The following PRIM2 variants were observed in gnomAD, a reference collection of about 807,000 sequenced individuals.
PRIM2 encodes the protein DNA primase large subunit.
In PRIM2, 39 loss-of-function variants were observed where a neutral mutation model predicts 67.3. The observed-to-expected ratio is 0.58, with a 90% CI of 0.45 to 0.76. The LOEUF (loss-of-function observed/expected upper bound fraction) is 0.76, where lower values mean the gene tolerates loss of function less well. PRIM2 is among the 30% of genes least tolerant of loss of function. PRIM2 has a pLI of 0.00. For missense variants in PRIM2, 398 were observed against 598.7 expected, an observed-to-expected ratio of 0.66 and a Z score of 3.50; for synonymous variants, 143 against 198.7, an observed-to-expected ratio of 0.72 and a Z score of 2.36.
At chr6:57,631,790 G>A (rs1405427217) in intron 12 of PRIM2, among the ~76,000 whole-genome samples, 5 of 151,866 alleles carry the variant, frequency 3.3e-5, no homozygotes, top group African/African-American at 4.9e-5. Flanking sequence ...TACAGTTTTC[G>A]GAGAGATGTT....
In PRIM2 at chr6:57,438,785, T is replaced by C. The variant is rs1417459400; in HGVS notation, c.693+56617T>C. ...TTCGGCATTTTTTTTTTCTTTTTTTTTGGGGGAAACGGAGTCTCTCTCTTG... is the reference window on the plus strand; with the variant it reads ...TTCGGCATTTTTTTTTTCTTTTTTTCTGGGGGAAACGGAGTCTCTCTCTTG... On this transcript the variant is annotated intron_variant, in intron 7 of 13. Transcript: ENST00000615550. 4.6e-5 allele frequency among the ~76,000 whole-genome samples: 7 copies of C among 152,094 alleles called. No homozygotes were observed. The East Asian group carries it at 1.3e-3, about 29-fold the overall frequency.
chr6:57,235,348 C>T, the PRIM2 span, among the ~76,000 whole-genome samples: 76 of 151,930 alleles, frequency 5.0e-4, no homozygotes, highest in Non-Finnish European at 9.9e-4. Context: ...CCTGTAATTC[C>T]AGCTACTCAG....
chr6:57,605,884 G>A (rs1418579198), intron 11 of PRIM2, among the ~76,000 whole-genome samples: 5 of 151,612 alleles, frequency 3.3e-5, no homozygotes, highest in Non-Finnish European at 7.4e-5. Context: ...TAGATTCTAC[G>A]CTTTAGGAAA....
At chr6:57,247,143 A>T in the PRIM2 span, among the ~76,000 whole-genome samples, 3 of 152,248 alleles carry the variant, frequency 2.0e-5, no homozygotes, top group South Asian at 4.2e-4. Context: ...CGTGAGCCAC[A>T]CCGCGCCCGG....
the PRIM2 span, among the ~76,000 whole-genome samples, chr6:57,242,420 G>A: frequency 6.6e-6 from 1 of 152,000 alleles, no homozygotes. Flanking sequence ...GGGAATTATT[G>A]TAATTTAAAT....
chr6:57,427,262 A>G (rs1394211460), intron 7 of PRIM2, among the ~76,000 whole-genome samples: 1 of 152,238 alleles, frequency 6.6e-6, no homozygotes, highest in African/African-American at 2.4e-5. Context: ...GTTAAAAACT[A>G]TTAGCTAAAT....
chr6:57,382,127 A>G lies in PRIM2; in HGVS notation c.652A>G (p.Ile218Val), dbSNP rs200732833. 8 of 1,613,226 alleles carry G rather than the reference A, an allele frequency of 5.0e-6. No individual in the cohort carries two copies. In the East Asian group the frequency reaches 1.1e-4, roughly 22 times the overall value. Residue 218 changes from isoleucine (I) to valine (V), a missense_variant, in exon 7 of 14, where the codon ATC becomes GTC. Around this residue, in one of 4 missense-constraint regions of PRIM2, gnomAD observed 229 missense variants for 383.6 expected, o/e 0.60. Transcript: ENST00000615550. ...ACCACTTAAGGACATTGTGGCAATC[A>G]TCCTGAATGAATTTAGAGCCAAACT... Reference protein sequence around the residue: ...YVPLKDIVAIILNEFRAKLSK... With the variant: ...YVPLKDIVAIVLNEFRAKLSK...
intron 1 of PRIM2, among the ~76,000 whole-genome samples, chr6:57,318,208 T>C (rs1397397753): frequency 6.6e-6 from 1 of 152,226 alleles, no homozygotes; most frequent in African/African-American, 2.4e-5. Context: ...CACCTGCATC[T>C]GCTCTAGCGC....
chr6:57,317,418 A>G (rs1767511880), upstream of PRIM2, among the ~76,000 whole-genome samples: 2 of 152,204 alleles, frequency 1.3e-5, no homozygotes, highest in Admixed American at 1.3e-4. Context: ...CCGACTCCAC[A>G]TACAGGAAAT....
chr6:57,401,598 G>A (rs1383393114), intron 7 of PRIM2, among the ~76,000 whole-genome samples: 1 of 151,968 alleles, frequency 6.6e-6, no homozygotes, highest in East Asian at 1.9e-4. Flanking sequence ...GTGCAGTTCT[G>A]GATGTGCTCA....
chr6:57,353,138 C>A (rs1768909581), intron 5 of PRIM2, among the ~76,000 whole-genome samples: 1 of 116,658 alleles, frequency 8.6e-6, no homozygotes, highest in Non-Finnish European at 1.6e-5. Flanking sequence ...TGGTGAAATC[C>A]CAAAAAAAAA....
At chr6:57,293,467 C>A in the PRIM2 span, among the ~76,000 whole-genome samples, 1 of 152,090 alleles carries the variant, frequency 6.6e-6, no homozygotes, top group African/African-American at 2.4e-5. Context: ...ACGATTTGAC[C>A]CAGCCATCCC....
rs1364730845 is a variant in PRIM2, at chr6:57,493,823, A to G, written c.694-13564A>G. The stretch of plus-strand genomic sequence containing the variant: ...AGACCTCTTGGAACTAACATTGCCT[A>G]TGGGTTTTTGTTCCTTTTCCCTTTT... On this transcript the variant is annotated intron_variant, in intron 7 of 13. Transcript: ENST00000615550. The G allele has an allele frequency of 4.6e-5, 7 of 152,190 alleles. No individual in the cohort carries two copies. In the South Asian group the frequency reaches 8.3e-4, roughly 18 times the overall value. 9.4% of individuals were successfully genotyped at this position (152,190 alleles called of 1,614,324 possible).
the PRIM2 span, among the ~76,000 whole-genome samples, chr6:57,265,799 T>A: frequency 6.6e-6 from 1 of 152,216 alleles, no homozygotes; most frequent in Non-Finnish European, 1.5e-5. Context: ...GTGTGTTAAA[T>A]GCAGTTGGTT....
the PRIM2 span, among the ~76,000 whole-genome samples, chr6:57,222,685 G>T: frequency 1.3e-5 from 2 of 152,156 alleles, no homozygotes; most frequent in Non-Finnish European, 2.9e-5. Flanking sequence ...GCCTGAGATG[G>T]TTAATTATTC....
chr6:57,276,114 G>A, the PRIM2 span, among the ~76,000 whole-genome samples: 1 of 152,136 alleles, frequency 6.6e-6, no homozygotes, highest in South Asian at 2.1e-4. Flanking sequence ...ACTGGGCCAG[G>A]CGCAGTGGCT....
intron 10 of PRIM2, among the ~76,000 whole-genome samples, chr6:57,590,563 C>A (rs1403223336): frequency 1.3e-5 from 2 of 152,144 alleles, no homozygotes; most frequent in African/African-American, 4.8e-5. Flanking sequence ...ACAGAACTAA[C>A]AGGATCCTTG....
chr6:57,470,840 C>T (rs1773320985), intron 7 of PRIM2, among the ~76,000 whole-genome samples: 1 of 152,240 alleles, frequency 6.6e-6, no homozygotes, highest in Non-Finnish European at 1.5e-5. Flanking sequence ...GCTTTCTTCT[C>T]AGCGTTTGGC....
the PRIM2 span, among the ~76,000 whole-genome samples, chr6:57,278,198 G>A: frequency 1.3e-5 from 2 of 151,552 alleles, no homozygotes; most frequent in African/African-American, 2.4e-5. Flanking sequence ...GTGGTAGTGG[G>A]TGCCTGTAAT....
Sources: allele counts gnomAD v4.1 joint callset (sites outside exome capture counted in the v4.1 genomes callset), GRCh38; gene constraint gnomAD v4.1.1; regional missense constraint gnomAD v4.1.1; transcripts MANE v1.5; gene names NCBI Gene and HGNC (gene_info 2026-07-23, HGNC 2026-07-21).